The following CPS1 variants were observed in gnomAD, a reference collection of about 807,000 sequenced individuals.
CPS1 encodes the protein carbamoyl-phosphate synthase 1, also known as carbamoyl-phosphate synthase [ammonia], mitochondrial.
In CPS1, 109 loss-of-function variants were observed where a neutral mutation model predicts 174.6. The observed-to-expected ratio is 0.62, with a 90% CI of 0.53 to 0.73. The LOEUF is 0.73. CPS1 is among the 30% of genes least tolerant of loss of function. The probability of loss-of-function intolerance (pLI) is 0.00; values close to 1 mark genes in which losing one functional copy is unlikely to be tolerated. For missense variants in CPS1, 1,689 were observed against 1,821.9 expected, an observed-to-expected ratio of 0.93 and a Z score of 1.33; for synonymous variants, 637 against 632.0, an observed-to-expected ratio of 1.01 and a Z score of -0.12.
At chr2:210,603,590 G>A (rs1698801630) in intron 16 of CPS1, among the ~76,000 whole-genome samples, 1 of 151,822 alleles carries the variant, frequency 6.6e-6, no homozygotes, top group African/African-American at 2.4e-5. Flanking sequence ...TGCCAATTGT[G>A]ACAGTGTATA....
chr2:210,501,102 C>T (rs1574471072), intron 1 of CPS1, among the ~76,000 whole-genome samples: 1 of 152,234 alleles, frequency 6.6e-6, no homozygotes, highest in East Asian at 1.9e-4. Flanking sequence ...GCATTTTTAG[C>T]CATGGCTAGA....
At chr2:210,614,862 C>T (rs1460209317) in intron 20 of CPS1, among the ~76,000 whole-genome samples, 2 of 150,634 alleles carry the variant, frequency 1.3e-5, no homozygotes, top group African/African-American at 4.9e-5. Context: ...GGGAGGGGAA[C>T]ATTTCACACC....
intron 1 of CPS1, among the ~76,000 whole-genome samples, chr2:210,561,862 T>C (rs985042516): frequency 6.6e-6 from 1 of 152,190 alleles, no homozygotes; most frequent in African/African-American, 2.4e-5. Context: ...ATGCTATACA[T>C]TGATCTTTTA....
At chr2:210,499,530 C>G (rs1238294717) in intron 1 of CPS1, among the ~76,000 whole-genome samples, 1 of 152,202 alleles carries the variant, frequency 6.6e-6, no homozygotes, top group Non-Finnish European at 1.5e-5. Context: ...ACAAAAATGC[C>G]TGTGCAGCCA....
At chr2:210,616,580 A>G (rs766907501) in intron 21 of CPS1, 39 bp downstream of exon 21, 14 of 1,216,540 alleles carry the variant, frequency 1.2e-5, no homozygotes, top group Admixed American at 1.7e-5. Context: ...AGACACCTTC[A>G]GTGCAATTTT....
chr2:210,573,763 G>T (rs756399165), intron 2 of CPS1, among the ~76,000 whole-genome samples: 41 of 152,142 alleles, frequency 2.7e-4, no homozygotes, highest in Non-Finnish European at 4.9e-4. Flanking sequence ...GCAAGGAAAA[G>T]AATAGATAGT....
At chr2:210,646,027 A>G (rs1700367444) in intron 25 of CPS1, among the ~76,000 whole-genome samples, 1 of 152,198 alleles carries the variant, frequency 6.6e-6, no homozygotes, top group East Asian at 1.9e-4. Context: ...AAACAAGTCA[A>G]TTTAATACAG....
intron 1 of CPS1, among the ~76,000 whole-genome samples, chr2:210,496,182 C>A (rs73071736): frequency 0.04 from 6,039 of 151,698 alleles, 373 homozygotes; most frequent in African/African-American, 0.13. Context: ...TGGCATCTGT[C>A]CCTGGGTTCT....
intron 1 of CPS1, among the ~76,000 whole-genome samples, chr2:210,479,563 A>G (rs1694507387): frequency 6.6e-6 from 1 of 152,110 alleles, no homozygotes; most frequent in Non-Finnish European, 1.5e-5. Context: ...TCCTGACCTC[A>G]AGTGATATGC....
rs1700169986 is a variant in CPS1, at chr2:210,640,050, T to C, written c.2950T>C (p.Tyr984His). The C allele has an allele frequency of 6.2e-7, 1 of 1,600,172 alleles. No homozygotes were observed. The highest frequency in any genetic ancestry group is 8.6e-7 in the Non-Finnish European group (1 of 1,167,920). The change falls in exon 24 of 38, where the codon TAT (tyrosine) becomes CAT (histidine). Residue 984 changes from tyrosine to histidine, a missense_variant. Tyr to His is a moderately conservative substitution (Grantham distance 83). Transcript: ENST00000233072. ...AATGATGGTGCTAGGCTGTGGTCCA[T>C]ATCACATTGGTAAAATAATAAATTA... ...HGMMVLGCGP[Y>H]HIGSSVEFDW...
At chr2:210,671,380 C>T (rs1206251856) in intron 34 of CPS1, among the ~76,000 whole-genome samples, 1 of 152,168 alleles carries the variant, frequency 6.6e-6, no homozygotes, top group Non-Finnish European at 1.5e-5. Flanking sequence ...CCGTAGAATC[C>T]ACAGGCATCA....
intron 15 of CPS1, among the ~76,000 whole-genome samples, chr2:210,601,782 T>C (rs1316910197): frequency 6.6e-6 from 1 of 151,956 alleles, no homozygotes; most frequent in East Asian, 1.9e-4. Flanking sequence ...TCCTAATGGC[T>C]TATTGTGGTA....
intron 29 of CPS1, among the ~76,000 whole-genome samples, chr2:210,654,903 C>A (rs1443288378): frequency 6.6e-6 from 1 of 152,172 alleles, no homozygotes; most frequent in Non-Finnish European, 1.5e-5. Flanking sequence ...CTACTTACAA[C>A]AGAATCACAT....
At chr2:210,582,799 T>C in intron 6 of CPS1, 90 bp downstream of exon 6, 1 of 1,024,250 alleles carries the variant, frequency 9.8e-7, no homozygotes, top group East Asian at 2.4e-5. Context: ...GCAGAGTTTA[T>C]CTTCCAGAAG....
chr2:210,532,256 C>T (rs570209457), intron 1 of CPS1, among the ~76,000 whole-genome samples: 19 of 152,154 alleles, frequency 1.2e-4, no homozygotes, highest in East Asian at 9.7e-4. Context: ...AGGTCTGTAT[C>T]GTTGCCAAAT....
At chr2:210,604,940 A>G in intron 16 of CPS1, 162 bp from the exon 17 acceptor site, 2 of 702,324 alleles carry the variant, frequency 2.8e-6, no homozygotes, top group East Asian at 2.7e-5. Context: ...CTAGTACCTC[A>G]CTGATTTTCT....
chr2:210,642,210 G>T (rs1411381272), intron 24 of CPS1, among the ~76,000 whole-genome samples: 1 of 152,114 alleles, frequency 6.6e-6, no homozygotes, highest in Non-Finnish European at 1.5e-5. Context: ...TAACATTGAA[G>T]TTCTAAATAC....
chr2:210,539,748 G>A (rs1696351356), intron 1 of CPS1, among the ~76,000 whole-genome samples: 2 of 152,176 alleles, frequency 1.3e-5, no homozygotes, highest in Non-Finnish European at 2.9e-5. Context: ...GCGTTAGGGG[G>A]TCTGGTCATT....
intron 1 of CPS1, among the ~76,000 whole-genome samples, chr2:210,511,272 A>G (rs933353062): frequency 6.6e-6 from 1 of 152,166 alleles, no homozygotes; most frequent in Non-Finnish European, 1.5e-5. Context: ...TCAGCAAACC[A>G]TCGCAAGGAG....
Sources: allele counts gnomAD v4.1 joint callset (sites outside exome capture counted in the v4.1 genomes callset), GRCh38; gene constraint gnomAD v4.1.1; transcripts MANE v1.5; gene names NCBI Gene and HGNC (gene_info 2026-07-23, HGNC 2026-07-21).